The following COPS4 variants were observed in gnomAD, a reference collection of about 807,000 sequenced individuals.
COPS4 encodes the protein COP9 signalosome complex subunit 4.
In COPS4, 8 loss-of-function variants were observed where a neutral mutation model predicts 55.1. The ratio of observed to expected loss-of-function variants is 0.15; its 90% CI spans 0.09 to 0.26. The LOEUF (loss-of-function observed/expected upper bound fraction) is 0.26. COPS4 is among the 10% of genes least tolerant of loss of function. The pLI is 1.00. For synonymous variants in COPS4, 185 were observed against 165.7 expected (o/e 1.12, Z -0.90); for missense variants, 248 against 484.0 (o/e 0.51, Z 4.58).
chr4:83,070,292 T>G (rs1266386380), intron 9 of COPS4, among the ~76,000 whole-genome samples: 1 of 152,200 alleles, frequency 6.6e-6, no homozygotes, highest in African/African-American at 2.4e-5. Context: ...TTCCTTTGAT[T>G]CAGTTACTGT....
chr4:83,049,895 A>G lies in COPS4; in HGVS notation c.321A>G (p.Arg107=). 6.2e-7 allele frequency: 1 copy of G among 1,605,308 alleles called. No individual in the cohort carries two copies. Among genetic ancestry groups the G allele is most frequent in the Non-Finnish European group, 8.5e-7 (1 of 1,176,142 alleles). The part of the protein sequence containing the change: ...ISFEEQVASI[R]QHLASIYEKE... ...TATTATTCCAGGTTGCTTCCATAAG[A>G]CAGCATCTTGCATCTATATATGAGA... The change falls in exon 4 of 10, where the codon AGA becomes AGG. Residue 107 remains arginine (R), a synonymous_variant. Transcript: ENST00000264389.
At chr4:83,067,265 G>A (rs571520618) in intron 8 of COPS4, among the ~76,000 whole-genome samples, 6 of 150,834 alleles carry the variant, frequency 4.0e-5, no homozygotes, top group South Asian at 2.1e-4. Flanking sequence ...CCCCCGAGAC[G>A]GACTGTAGCT....
intron 1 of COPS4, 196 bp downstream of exon 1, chr4:83,035,494 T>C (rs540796500): frequency 7.8e-5 from 32 of 410,364 alleles, no homozygotes; most frequent in African/African-American, 6.0e-4. Context: ...GCAGGGGCCT[T>C]CGAGGCTATA....
At chr4:83,046,821 T>C (rs146153307) in intron 2 of COPS4, among the ~76,000 whole-genome samples, 78 of 152,342 alleles carry the variant, frequency 5.1e-4, no homozygotes, top group Non-Finnish European at 9.0e-4. Flanking sequence ...GGTATCCCTG[T>C]ATAATATATT....
chr4:83,048,011 A>T (rs908370695), intron 2 of COPS4, among the ~76,000 whole-genome samples: 10 of 141,206 alleles, frequency 7.1e-5, no homozygotes, highest in Admixed American at 6.9e-4. Context: ...AAAAAAAAAA[A>T]ATAATAATAA....
chr4:83,041,885 G>A (rs988178484), intron 1 of COPS4, among the ~76,000 whole-genome samples: 2 of 147,308 alleles, frequency 1.4e-5, no homozygotes, highest in African/African-American at 5.0e-5. Context: ...TTTTTTTTGA[G>A]ATAGAATTTC....
chr4:83,045,876 G>A (rs929037340), intron 2 of COPS4, among the ~76,000 whole-genome samples, 171 bp downstream of exon 2: 5 of 152,064 alleles, frequency 3.3e-5, no homozygotes, highest in African/African-American at 1.2e-4. Context: ...ATTATCTTCA[G>A]AATTACAATC....
In COPS4 at chr4:83,057,343, T is replaced by A; in HGVS notation, c.650T>A (p.Val217Asp). 1 of 1,613,252 alleles carries A rather than the reference T, an allele frequency of 6.2e-7. No homozygotes were observed. The highest frequency in any genetic ancestry group is 8.5e-7 in the Non-Finnish European group (1 of 1,179,700). The change falls in exon 6 of 10, where the codon GTC (valine) becomes GAC (aspartate). Residue 217 changes from valine to aspartate, a missense_variant. Val to Asp is a radical substitution (Grantham distance 152). Around this residue, in one of 4 missense-constraint regions of COPS4, gnomAD observed 155 missense variants for 326.6 expected, o/e 0.47. Transcript: ENST00000264389. ...RYNELSYKTI[V>D]HESERLEALK... Reference sequence around the variant, plus strand: ...AATGAGCTCTCTTACAAGACAATAGTCCACGAAAGTGAAAGACTAGAGGCC... The same window carrying A: ...AATGAGCTCTCTTACAAGACAATAGACCACGAAAGTGAAAGACTAGAGGCC...
chr4:83,074,463 T>G (rs531884658), intron 9 of COPS4, among the ~76,000 whole-genome samples: 183 of 88,030 alleles, frequency 2.1e-3, no homozygotes, highest in Admixed American at 3.4e-3. Flanking sequence ...TTTTAGAGGT[T>G]TTTTTTTTTT....
chr4:83,059,356 C>T (rs1030672384), intron 6 of COPS4, among the ~76,000 whole-genome samples: 1 of 151,808 alleles, frequency 6.6e-6, no homozygotes, highest in South Asian at 2.1e-4. Context: ...TTGTAAATCC[C>T]CCCATGTTTT....
chr4:83,048,183 T>C (rs1001985419), intron 2 of COPS4, among the ~76,000 whole-genome samples: 4 of 152,188 alleles, frequency 2.6e-5, no homozygotes, highest in Admixed American at 2.0e-4. Flanking sequence ...CCTTATGAAA[T>C]AGATGTTACA....
At chr4:83,053,839 C>A (rs147800771) in intron 4 of COPS4, among the ~76,000 whole-genome samples, 1,272 of 86,442 alleles carry the variant, frequency 0.015, 4 homozygotes, top group Non-Finnish European at 0.016. Context: ...GACTCTGTCT[C>A]AAAAAAAAAA....
chr4:83,040,984 C>G (rs1335524756), intron 1 of COPS4, among the ~76,000 whole-genome samples: 1 of 151,226 alleles, frequency 6.6e-6, no homozygotes, highest in Non-Finnish European at 1.5e-5. Context: ...GCTCAATTCA[C>G]TGATGATAAA....
chr4:83,068,535 G>T lies in COPS4; in HGVS notation c.1087+13G>T. 6.6e-7 allele frequency: 1 copy of T among 1,503,958 alleles called. No individual in the cohort carries two copies. The highest frequency in any genetic ancestry group is 9.2e-7 in the Non-Finnish European group (1 of 1,081,124). The allele number at this position is 1,503,958 out of a possible 1,614,324, so 93.2% of individuals were successfully genotyped here. On this transcript the variant is annotated intron_variant, in intron 9 of 9. Coordinates refer to ENST00000264389, the MANE Select transcript of COPS4 (RefSeq NM_016129.3). Reference sequence around the variant, plus strand: ...GTTCATTTTGAAAGTAAGAGGTTTTGTGTATTTCTGTCATAATGAAATAGC... The same window carrying T: ...GTTCATTTTGAAAGTAAGAGGTTTTTTGTATTTCTGTCATAATGAAATAGC...
Position 83,035,221 on chromosome 4 carries a change from A to T in COPS4, c.-4A>T, listed in dbSNP as rs746562334. On this transcript the variant is annotated 5_prime_UTR_variant, in exon 1 of 10. Coordinates refer to ENST00000264389, the MANE Select transcript of COPS4 (RefSeq NM_016129.3). The stretch of plus-strand genomic sequence containing the variant: ...CCCGCATCCACCGCTGAGCTGGGAG[A>T]AAGATGGCGGCAGCCGTGCGACAGG... The T allele has an allele frequency of 1.7e-5, 27 of 1,564,376 alleles. 1 individual carries two copies. The South Asian group carries it at 2.8e-4, about 16-fold the overall frequency.
intron 1 of COPS4, chr4:83,035,535 C>T: frequency 2.7e-6 from 1 of 369,594 alleles, no homozygotes. Context: ...TTGTTCAGTT[C>T]TTGATAGAAT....
chr4:83,073,156 G>C, intron 9 of COPS4: 2 of 542,138 alleles, frequency 3.7e-6, no homozygotes, highest in Non-Finnish European at 6.8e-6. Flanking sequence ...TCTTTCCAAA[G>C]GAAGCCCTTG....
At chr4:83,037,581 TACA>T (rs1730459454) in intron 1 of COPS4, among the ~76,000 whole-genome samples, 1 of 152,226 alleles carries the variant, frequency 6.6e-6, no homozygotes. Context: ...TATTTATCCT[TACA>T]ACAACATCAG....
At chr4:83,047,263 C>T (rs912390118) in intron 2 of COPS4, among the ~76,000 whole-genome samples, 5 of 152,108 alleles carry the variant, frequency 3.3e-5, no homozygotes, top group Admixed American at 2.6e-4. Context: ...TGGCTGGGCA[C>T]GGTGGCTCAT....
Sources: gnomAD v4.1 joint callset for allele counts (sites outside exome capture counted in the v4.1 genomes callset) on GRCh38, gnomAD v4.1.1 for gene constraint, gnomAD v4.1.1 regional missense constraint, MANE v1.5 for transcripts, NCBI Gene and HGNC (gene_info 2026-07-23, HGNC 2026-07-21) for gene names.